Variants in GJE1 observed in about 807,000 individuals in gnomAD.
The protein encoded by GJE1 is gap junction epsilon-1 protein.
GJE1 carries 9 observed loss-of-function variants against 6.2 expected under a neutral mutation model. That is an observed-to-expected ratio of 1.45 (90% CI 0.87 to 2.52). GJE1 has a LOEUF of 2.52. GJE1 is among the 30% of genes most tolerant of loss of function. The pLI is 0.00. For missense variants in GJE1, 190 were observed against 87.7 expected (o/e 2.17, Z -4.66); for synonymous variants, 65 against 30.1 (o/e 2.16, Z -3.80).
At chr6:142,135,239 G>A (rs184580570), downstream of GJE1, 354 of 159,774 alleles carry the variant, frequency 2.2e-3, no homozygotes, top group Admixed American at 5.0e-3. Flanking sequence ...CTTTTTTTAC[G>A]AAGTGGAAAA....
downstream of GJE1, among the ~76,000 whole-genome samples, chr6:142,135,316 G>A (rs181962871): frequency 6.6e-5 from 10 of 152,084 alleles, no homozygotes; most frequent in East Asian, 1.9e-3. Flanking sequence ...TTCCCTTTCT[G>A]TGGAACTATA....
At chr6:142,134,587 T>C in exon 3 of GJE1, 1 of 649,702 alleles carries the variant, frequency 1.5e-6, no homozygotes, top group Non-Finnish European at 2.7e-6. Flanking sequence ...TTTCCACCTT[T>C]ATGCTGCATG....
At chr6:142,133,602 T>C (rs1419550620) in intron 1 of GJE1, among the ~76,000 whole-genome samples, 1 of 152,192 alleles carries the variant, frequency 6.6e-6, no homozygotes, top group African/African-American at 2.4e-5. Context: ...AATTCAAAGC[T>C]GTATAAATAT....
In GJE1 at chr6:142,134,090, A is replaced by G. The variant is rs1487041694; in HGVS notation, c.234+46A>G. 1.1e-5 allele frequency: 6 copies of G among 551,094 alleles called. No homozygotes were observed. In the South Asian group the frequency reaches 1.6e-4, roughly 15 times the overall value. The allele number at this position is 551,094 out of a possible 1,614,324, so 34.1% of individuals were successfully genotyped here. On this transcript the variant is annotated intron_variant, in intron 2 of 2. Coordinates refer to ENST00000450456, the Ensembl canonical transcript of GJE1. ...TCTACAACAAACTCATTTTCTCTTT[A>G]AATGTAAAATAATGTCATAATATGA...
chr6:142,133,958 C>A, exon 2 of GJE1: 1 of 702,526 alleles, frequency 1.4e-6, no homozygotes, highest in Non-Finnish European at 2.6e-6. Context: ...TGAGGCCTTG[C>A]ACTTCATTTG....
At chr6:142,133,372 G>C (rs1490259629) in intron 1 of GJE1, among the ~76,000 whole-genome samples, 175 bp downstream of exon 1, 1 of 152,114 alleles carries the variant, frequency 6.6e-6, no homozygotes, top group African/African-American at 2.4e-5. Flanking sequence ...AATTCAGGAA[G>C]TGTCTTTAGA....
At chr6:142,134,177 A>G (rs2114609532) in intron 2 of GJE1, 133 bp downstream of exon 2, 1 of 489,160 alleles carries the variant, frequency 2.0e-6, no homozygotes, top group East Asian at 3.0e-5. Context: ...AATTAGCTGT[A>G]TATTTCAGAT....
chr6:142,133,153 T>G (rs1249053916), exon 1 of GJE1: 4 of 677,148 alleles, frequency 5.9e-6, no homozygotes, highest in Non-Finnish European at 1.1e-5. Context: ...TAACATCTCC[T>G]GAGACATGTC....
In GJE1 at chr6:142,133,214, C is replaced by CA; in HGVS notation, c.39+23dup. On this transcript the variant is annotated intron_variant, in intron 1 of 2. Coordinates refer to ENST00000450456, the Ensembl canonical transcript of GJE1. Reference sequence around the variant, plus strand: ...GAAGGATGTGTAAGTATTATACAAACAAAAAATCAATTGTATGAGTCTTTT... The same window carrying CA: ...GAAGGATGTGTAAGTATTATACAAACAAAAAAATCAATTGTATGAGTCTTTT... 1 of 648,716 alleles carries CA rather than the reference C, an allele frequency of 1.5e-6. No homozygotes were observed. The highest frequency in any genetic ancestry group is 2.8e-6 in the Non-Finnish European group (1 of 356,852). 40.2% of individuals were successfully genotyped at this position (648,716 alleles called of 1,614,324 possible). A position where few individuals can be genotyped will look rare whatever the true frequency, so the allele number is the denominator to read the frequency against.
chr6:142,133,113 G>C, exon 1 of GJE1: 1 of 636,992 alleles, frequency 1.6e-6, no homozygotes, highest in Non-Finnish European at 2.8e-6. Context: ...GGCAATGTGG[G>C]TCAAGAATTA....
exon 3 of GJE1, chr6:142,134,727 A>G (rs1416149284): frequency 5.8e-6 from 4 of 691,582 alleles, no homozygotes; most frequent in East Asian, 2.7e-5. Context: ...TTGGTTTCCA[A>G]GTAAAATCTC....
exon 3 of GJE1, chr6:142,134,609 A>G (rs1174330436): frequency 1.5e-6 from 1 of 672,740 alleles, no homozygotes; most frequent in Non-Finnish European, 2.7e-6. Flanking sequence ...AAAAGCATCA[A>G]TCAAGAATGC....
At chr6:142,134,451 GAGTT>G (rs750489278) in intron 2 of GJE1, 84 bp from the exon 3 acceptor site, 19 of 457,760 alleles carry the variant, frequency 4.2e-5, no homozygotes, top group Non-Finnish European at 7.3e-5. Flanking sequence ...ACTCTGTTGA[GAGTT>G]AGTGGGGTTT....
At chr6:142,134,843 C>T (rs1778221294) in exon 3 of GJE1, 1 of 651,174 alleles carries the variant, frequency 1.5e-6, no homozygotes, top group South Asian at 1.7e-5. Context: ...AATACATTTA[C>T]AACAATTACA....
chr6:142,133,781 G>A (rs1245727018), intron 1 of GJE1, 69 bp from the exon 2 acceptor site: 3 of 546,302 alleles, frequency 5.5e-6, no homozygotes, highest in African/African-American at 3.8e-5. Flanking sequence ...TGTGATATAA[G>A]GATTTTTTTA....
At chr6:142,133,904 C>A (rs781734823) in exon 2 of GJE1, 1 of 701,866 alleles carries the variant, frequency 1.4e-6, no homozygotes, top group South Asian at 1.5e-5. Context: ...TGGATCGATC[C>A]GAATATTCTT....
rs934362668 is a variant in GJE1 at position 142,133,845 on chromosome 6, A to G, written c.40-5A>G. 3.6e-5 allele frequency: 24 copies of G among 663,910 alleles called. No individual in the cohort carries two copies. In the Admixed American group the frequency reaches 4.4e-4, roughly 12 times the overall value. 41.1% of individuals were successfully genotyped at this position (663,910 alleles called of 1,614,324 possible). On this transcript the variant is annotated splice_region_variant and splice_polypyrimidine_tract_variant and intron_variant, in intron 1 of 2. Coordinates refer to ENST00000450456, the Ensembl canonical transcript of GJE1. ...AAGATTTTTTTTCTCCTAAAACCAT[A>G]ACAGGTTAAACCTCCAACTGTGATT... is the stretch of plus-strand genomic sequence containing the variant.
chr6:142,133,773 T>C, intron 1 of GJE1, 77 bp from the exon 2 acceptor site: 1 of 534,792 alleles, frequency 1.9e-6, no homozygotes, highest in East Asian at 2.8e-5. Context: ...TTTTTAAATG[T>C]GATATAAGGA....
downstream of GJE1, among the ~76,000 whole-genome samples, chr6:142,135,349 A>G (rs953123864): frequency 6.6e-6 from 1 of 152,232 alleles, no homozygotes; most frequent in African/African-American, 2.4e-5. Flanking sequence ...TGAGGGTGTA[A>G]TTATTTTGCA....
Sources: gnomAD v4.1 joint callset for allele counts (sites outside exome capture counted in the v4.1 genomes callset) on GRCh38, gnomAD v4.1.1 for gene constraint, MANE v1.5 for transcripts, NCBI Gene and HGNC (gene_info 2026-07-23, HGNC 2026-07-21) for gene names.